Variants in JPH3 observed in about 807,000 individuals in gnomAD.
JPH3 encodes junctophilin-3.
In JPH3, 11 loss-of-function variants were observed where a neutral mutation model predicts 59.6. The ratio of observed to expected loss-of-function variants is 0.18; its 90% CI spans 0.12 to 0.31. The LOEUF is 0.31. Among genes scored for constraint, JPH3 ranks in the 10% least tolerant of loss-of-function variants. JPH3 has a pLI of 1.00. For missense variants in JPH3, 1,202 were observed against 1,105.7 expected (o/e 1.09, Z -1.24); for synonymous variants, 673 against 483.6 (o/e 1.39, Z -5.14).
intron 2 of JPH3, among the ~76,000 whole-genome samples, chr16:87,670,256 G>A (rs2032981006): frequency 1.3e-5 from 2 of 152,326 alleles, no homozygotes; most frequent in Admixed American, 6.5e-5. Context: ...GCTGGAATGT[G>A]TCAGAATGGT....
intron 4 of JPH3, chr16:87,696,114 G>C: frequency 2.2e-6 from 1 of 458,136 alleles, no homozygotes; most frequent in Non-Finnish European, 4.4e-6. Context: ...AGTCCTCTGA[G>C]TTCCAGGGCC....
chr16:87,664,345 A>T (rs1383066023), intron 2 of JPH3, among the ~76,000 whole-genome samples: 1 of 148,650 alleles, frequency 6.7e-6, no homozygotes, highest in Non-Finnish European at 1.5e-5. Context: ...AAAAAAAAAA[A>T]TCATATGGCC....
chr16:87,664,119 C>A (rs1004268922), intron 2 of JPH3, among the ~76,000 whole-genome samples: 1 of 149,186 alleles, frequency 6.7e-6, no homozygotes, highest in African/African-American at 2.5e-5. Context: ...ATCACGAGGT[C>A]AGCAGATTGA....
intron 1 of JPH3, chr16:87,604,419 C>T: frequency 7.1e-7 from 1 of 1,402,886 alleles, no homozygotes; most frequent in Non-Finnish European, 9.4e-7. Flanking sequence ...GTGCACCTGA[C>T]ACGCATGGAG....
At position 87,679,234 on chromosome 16, in the gene JPH3, G is replaced by A. The variant is rs149579842; in HGVS notation, c.1161-4908G>A. Among the ~76,000 whole-genome samples the A allele has an allele frequency of 1.8e-4, 28 of 152,226 alleles. No homozygotes were observed. The East Asian group carries it at 5.4e-3, about 29-fold the overall frequency. On this transcript the variant is annotated intron_variant, in intron 2 of 4. Transcript: ENST00000284262. ...GGACACCACTTCCTTTATTGCTTAG[G>A]GTTTCTCTCTTTCTTTCTTTAAAAA...
In JPH3 at chr16:87,644,776, G is replaced by A. The variant is rs1322374578; in HGVS notation, c.901G>A (p.Gly301Ser). ...GAAGAACGACAAACGCTCCGGCTTC[G>A]GCGTGAGCCAGCGCTCGGACGGGCT... Reference protein sequence around the residue: ...EWKNDKRSGFGVSQRSDGLKY... With the variant: ...EWKNDKRSGFSVSQRSDGLKY... The change falls in exon 2 of 5, where the codon GGC (glycine) becomes AGC (serine). Residue 301 changes from glycine (G) to serine (S), a missense_variant. By Grantham distance (56) the Gly-to-Ser change is moderately conservative. Transcript: ENST00000284262. 2 of 1,613,250 alleles carry A rather than the reference G, an allele frequency of 1.2e-6. No individual in the cohort carries two copies. The highest frequency in any genetic ancestry group is 1.7e-6 in the Non-Finnish European group (2 of 1,179,898).
intron 1 of JPH3, among the ~76,000 whole-genome samples, chr16:87,641,358 C>T (rs865994712): frequency 2.0e-5 from 3 of 152,150 alleles, no homozygotes; most frequent in African/African-American, 7.2e-5. Flanking sequence ...ATGTTGATGG[C>T]AGTGAGGTTG....
chr16:87,616,343 C>T (rs2030968948), intron 1 of JPH3, among the ~76,000 whole-genome samples: 1 of 151,322 alleles, frequency 6.6e-6, no homozygotes, highest in Non-Finnish European at 1.5e-5. Context: ...ACGCCGTTCT[C>T]CTGCCTCAGC....
chr16:87,630,142 T>A (rs1278932786), intron 1 of JPH3, among the ~76,000 whole-genome samples: 3 of 152,152 alleles, frequency 2.0e-5, no homozygotes, highest in Non-Finnish European at 2.9e-5. Flanking sequence ...CACAGATTGG[T>A]GGACCTTCAG....
intron 1 of JPH3, 112 bp downstream of exon 1, chr16:87,603,640 A>G: frequency 7.6e-7 from 1 of 1,312,330 alleles, no homozygotes; most frequent in Non-Finnish European, 1.0e-6. Context: ...GGCCGTGGGC[A>G]CCAGGGGCCT....
At chr16:87,673,466 T>C (rs1280718724) in intron 2 of JPH3, among the ~76,000 whole-genome samples, 1 of 152,238 alleles carries the variant, frequency 6.6e-6, no homozygotes, top group Non-Finnish European at 1.5e-5. Flanking sequence ...AAACTGCAGC[T>C]TTAATTCAAC....
intron 2 of JPH3, among the ~76,000 whole-genome samples, chr16:87,665,402 A>G (rs1230474860): frequency 6.6e-6 from 1 of 152,200 alleles, no homozygotes; most frequent in Non-Finnish European, 1.5e-5. Context: ...CCCCGCTGTG[A>G]CCTGCTGACC....
At position 87,674,164 on chromosome 16, in the gene JPH3, C is replaced by G. The variant is rs184557840; in HGVS notation, c.1161-9978C>G. On this transcript the variant is annotated intron_variant, in intron 2 of 4. Coordinates refer to ENST00000284262, the MANE Select transcript of JPH3 (RefSeq NM_020655.4). The stretch of plus-strand genomic sequence containing the variant: ...CCTGGCTAACACGGTGAAACCCCGT[C>G]TCTACTAAAAATACAAAAAATTAGC... Among the ~76,000 whole-genome samples, 128 of 151,990 alleles carry G rather than the reference C, an allele frequency of 8.4e-4. 2 individuals are homozygous for G. The highest frequency in any genetic ancestry group is 2.9e-3 in the African/African-American group (121 of 41,476).
At chr16:87,688,675 G>A (rs571221929) in intron 3 of JPH3, among the ~76,000 whole-genome samples, 7 of 152,234 alleles carry the variant, frequency 4.6e-5, no homozygotes, top group South Asian at 4.2e-4. Flanking sequence ...ACAGAGCTCT[G>A]CACCATTTTG....
rs1187715036 is a variant in JPH3, at chr16:87,602,902, G to C, written c.-245G>C. The C allele has an allele frequency of 4.0e-6, 1 of 251,842 alleles. No individual in the cohort carries two copies. Among genetic ancestry groups the C allele is most frequent in the Non-Finnish European group, 7.4e-6 (1 of 135,958 alleles). The allele number at this position is 251,842 out of a possible 1,614,324, so 15.6% of individuals were successfully genotyped here. The stretch of plus-strand genomic sequence containing the variant: ...CCTCCCCTCCGGTCCTGTCTCCAGC[G>C]GGAGCGCGAGACGCTGGTCAGGCTC... On this transcript the variant is annotated 5_prime_UTR_variant, in exon 1 of 5. Transcript: ENST00000284262.
Position 87,625,294 on chromosome 16 carries a change from ACAGT to A in JPH3, c.383-18962_383-18959del, listed in dbSNP as rs2031330713. Among the ~76,000 whole-genome samples, 3 of 152,176 alleles carry A rather than the reference ACAGT, an allele frequency of 2.0e-5. No individual in the cohort carries two copies. The South Asian group carries it at 6.2e-4, about 32-fold the overall frequency. ...GTGACAGCTGTGACTATTGGAGCACACAGTCGGTGCTGGGCAGGTGGGTCATTCC... is the reference window on the plus strand; with the variant it reads ...GTGACAGCTGTGACTATTGGAGCACACGGTGCTGGGCAGGTGGGTCATTCC... On this transcript the variant is annotated intron_variant, in intron 1 of 4. Coordinates refer to ENST00000284262, the MANE Select transcript of JPH3 (RefSeq NM_020655.4).
rs113612471 is a variant in JPH3, at chr16:87,639,611, T to G, written c.383-4647T>G. On this transcript the variant is annotated intron_variant, in intron 1 of 4. Transcript: ENST00000284262. Reference sequence around the variant, plus strand: ...TGCTCACTGCCTGTCCTCCCTCCTGTCCTCCCTCCTGGCCTCCCTCCTGGC... The same window carrying G: ...TGCTCACTGCCTGTCCTCCCTCCTGGCCTCCCTCCTGGCCTCCCTCCTGGC... Among the ~76,000 whole-genome samples, 756 of 149,276 alleles carry G rather than the reference T, an allele frequency of 5.1e-3. 3 individuals carry two copies. Among genetic ancestry groups the G allele is most frequent in the African/African-American group, 9.0e-3 (354 of 39,170 alleles).
chr16:87,648,564 A>G (rs1469016264), intron 2 of JPH3, among the ~76,000 whole-genome samples: 6 of 152,108 alleles, frequency 3.9e-5, no homozygotes, highest in Non-Finnish European at 1.5e-5. Flanking sequence ...GCAGCTCTGC[A>G]GGGAAGGGAA....
chr16:87,684,558 C>G (rs536806031), intron 3 of JPH3: 167 of 407,158 alleles, frequency 4.1e-4, no homozygotes, highest in African/African-American at 3.2e-3. Context: ...TCCCACCTGC[C>G]CAGCCTGTGC....
Sources: gnomAD v4.1 joint callset for allele counts (sites outside exome capture counted in the v4.1 genomes callset) on GRCh38, gnomAD v4.1.1 for gene constraint, MANE v1.5 for transcripts, NCBI Gene and HGNC (gene_info 2026-07-23, HGNC 2026-07-21) for gene names.